The following PELI1 variants were observed in gnomAD, a reference collection of about 807,000 sequenced individuals.
PELI1 encodes pellino E3 ubiquitin protein ligase 1, also known as E3 ubiquitin-protein ligase pellino homolog 1.
A neutral mutation model predicts 41.3 loss-of-function variants in PELI1; 15 were observed. The ratio of observed to expected loss-of-function variants is 0.36; its 90% CI spans 0.24 to 0.56. The LOEUF (loss-of-function observed/expected upper bound fraction) is 0.56, where lower values mean the gene tolerates loss of function less well. PELI1 is among the 20% of genes least tolerant of loss of function. PELI1 has a pLI of 0.82. For synonymous variants in PELI1, 178 were observed against 180.1 expected (o/e 0.99, Z 0.09); for missense variants, 403 against 525.5 (o/e 0.77, Z 2.28).
At chr2:64,113,959 C>T (rs1393825192) in intron 1 of PELI1, among the ~76,000 whole-genome samples, 1 of 151,410 alleles carries the variant, frequency 6.6e-6, no homozygotes, top group Non-Finnish European at 1.5e-5. Flanking sequence ...AACACAAGTA[C>T]AAAATTCCTG....
At chr2:64,116,047 C>A (rs1489085449) in intron 1 of PELI1, among the ~76,000 whole-genome samples, 1 of 152,078 alleles carries the variant, frequency 6.6e-6, no homozygotes, top group South Asian at 2.1e-4. Flanking sequence ...GGTGGAAAAT[C>A]AGGGTATTTC....
intron 4 of PELI1, among the ~76,000 whole-genome samples, chr2:64,099,800 C>G (rs10176596): frequency 0.076 from 11,606 of 152,148 alleles, 641 homozygotes; most frequent in African/African-American, 0.16. Flanking sequence ...ACTGACTGTC[C>G]TAAAATCTAT....
At chr2:64,123,420 A>ATC (rs1681288716) in intron 1 of PELI1, among the ~76,000 whole-genome samples, 1 of 152,238 alleles carries the variant, frequency 6.6e-6, no homozygotes, top group South Asian at 2.1e-4. Context: ...CAAATCATGT[A>ATC]TCTGATAAAG....
Position 64,104,848 on chromosome 2 carries a change from G to A in PELI1, c.72-18C>T, listed in dbSNP as rs1680569769. 6.2e-7 allele frequency: 1 copy of A among 1,605,034 alleles called. No individual in the cohort carries two copies. The highest frequency in any genetic ancestry group is 8.5e-7 in the Non-Finnish European group (1 of 1,175,540). The stretch of plus-strand genomic sequence containing the variant: ...CATTATACCTGATGGGGGAAAAAAA[G>A]TATAGGTGATCTCTTGCAAGAACTG... On this transcript the variant is annotated intron_variant, in intron 2 of 6. Transcript: ENST00000358912.
chr2:64,109,590 G>C (rs1403020518), intron 1 of PELI1, among the ~76,000 whole-genome samples: 7 of 152,210 alleles, frequency 4.6e-5, no homozygotes. Flanking sequence ...TGAGGCAGGA[G>C]AACCACTTGA....
At chr2:64,138,915 T>C (rs1172874864) in intron 1 of PELI1, among the ~76,000 whole-genome samples, 2 of 152,230 alleles carry the variant, frequency 1.3e-5, no homozygotes, top group Non-Finnish European at 1.5e-5. Flanking sequence ...TGTATCCATA[T>C]AGCATCTACC....
intron 6 of PELI1, among the ~76,000 whole-genome samples, chr2:64,095,853 G>A (rs2103658619): frequency 6.6e-6 from 1 of 152,304 alleles, no homozygotes; most frequent in Non-Finnish European, 1.5e-5. Context: ...ATGTGGCTCA[G>A]GCTGGTCTCG....
At chr2:64,116,722 A>G (rs1274661526) in intron 1 of PELI1, among the ~76,000 whole-genome samples, 2 of 152,206 alleles carry the variant, frequency 1.3e-5, no homozygotes, top group Non-Finnish European at 2.9e-5. Context: ...GTTTTAAAGT[A>G]CAGGCACATC....
At chr2:64,118,345 A>C (rs1374955088) in intron 1 of PELI1, among the ~76,000 whole-genome samples, 1 of 152,206 alleles carries the variant, frequency 6.6e-6, no homozygotes, top group African/African-American at 2.4e-5. Flanking sequence ...CTTAACATCC[A>C]TTTTATACCT....
chr2:64,108,057 T>C (rs778033088), intron 2 of PELI1, among the ~76,000 whole-genome samples, 183 bp downstream of exon 2: 3 of 152,186 alleles, frequency 2.0e-5, no homozygotes, highest in Non-Finnish European at 4.4e-5. Flanking sequence ...TGAGTGCTTT[T>C]AAAAGATGGC....
chr2:64,138,053 T>A (rs1681775426), intron 1 of PELI1, among the ~76,000 whole-genome samples: 1 of 152,210 alleles, frequency 6.6e-6, no homozygotes, highest in Non-Finnish European at 1.5e-5. Context: ...ATGCTGATGC[T>A]GATTTTATGT....
chr2:64,133,694 T>C (rs533983466), intron 1 of PELI1, among the ~76,000 whole-genome samples: 3 of 152,212 alleles, frequency 2.0e-5, no homozygotes, highest in East Asian at 1.9e-4. Context: ...ACTTCTGATA[T>C]AGTGGTTTTT....
intron 1 of PELI1, among the ~76,000 whole-genome samples, chr2:64,132,018 A>C (rs1464249061): frequency 6.6e-6 from 1 of 152,174 alleles, no homozygotes; most frequent in Non-Finnish European, 1.5e-5. Context: ...AATTTTAGTT[A>C]ATATGTCTAA....
intron 2 of PELI1, among the ~76,000 whole-genome samples, chr2:64,105,066 A>T (rs1004811676): frequency 1.3e-5 from 2 of 152,028 alleles, no homozygotes; most frequent in African/African-American, 4.8e-5. Flanking sequence ...TGGATTATAC[A>T]CAGATTCGTG....
At chr2:64,115,619 C>T (rs191333885) in intron 1 of PELI1, among the ~76,000 whole-genome samples, 2 of 152,140 alleles carry the variant, frequency 1.3e-5, no homozygotes, top group African/African-American at 4.8e-5. Context: ...CATACATTAC[C>T]CCATTTAATT....
chr2:64,103,132 G>A (rs1680502896), intron 3 of PELI1, among the ~76,000 whole-genome samples: 1 of 152,040 alleles, frequency 6.6e-6, no homozygotes, highest in Non-Finnish European at 1.5e-5. Context: ...GTGAGCTACC[G>A]CACCCAGCCA....
chr2:64,119,794 T>C (rs182407908), intron 1 of PELI1, among the ~76,000 whole-genome samples: 126 of 152,330 alleles, frequency 8.3e-4, no homozygotes, highest in Non-Finnish European at 1.5e-3. Context: ...ACATATTCTA[T>C]AAATGTCAGA....
At chr2:64,113,575 A>G (rs1181866128) in intron 1 of PELI1, among the ~76,000 whole-genome samples, 1 of 152,152 alleles carries the variant, frequency 6.6e-6, no homozygotes, top group Non-Finnish European at 1.5e-5. Context: ...TTTGCTTGAT[A>G]CTCGAAAGCA....
At chr2:64,115,709 C>G (rs1680967738) in intron 1 of PELI1, among the ~76,000 whole-genome samples, 1 of 152,078 alleles carries the variant, frequency 6.6e-6, no homozygotes, top group Non-Finnish European at 1.5e-5. Context: ...TAAAGTGGTC[C>G]AGATTTTCTA....
Sources: allele counts gnomAD v4.1 joint callset (sites outside exome capture counted in the v4.1 genomes callset), GRCh38; gene constraint gnomAD v4.1.1; transcripts MANE v1.5; gene names NCBI Gene and HGNC (gene_info 2026-07-23, HGNC 2026-07-21).